Variants in NAV2 observed in about 807,000 individuals in gnomAD.
NAV2 encodes helicase, APC down-regulated 1.
Under a neutral mutation model 223.2 loss-of-function variants are expected in NAV2, and 54 were observed. That is an observed-to-expected ratio of 0.24 (90% CI 0.19 to 0.30). The LOEUF (loss-of-function observed/expected upper bound fraction) is 0.30, where lower values mean the gene tolerates loss of function less well. NAV2 is among the 10% of genes least tolerant of loss of function. The pLI is 1.00. For synonymous variants in NAV2, 1,279 were observed against 1,239.3 expected (o/e 1.03, Z -0.67); for missense variants, 2,806 against 3,147.5 (o/e 0.89, Z 2.60).
intron 1 of NAV2, among the ~76,000 whole-genome samples, chr11:19,417,330 A>G (rs1850414281): frequency 6.6e-6 from 1 of 152,274 alleles, no homozygotes; most frequent in African/African-American, 2.4e-5. Context: ...TGTGGCCAAA[A>G]AACACATGGA....
intron 1 of NAV2, among the ~76,000 whole-genome samples, chr11:19,492,291 A>C (rs908123078): frequency 2.0e-5 from 3 of 152,174 alleles, no homozygotes; most frequent in African/African-American, 7.2e-5. Flanking sequence ...TAAAAAAAAA[A>C]AAACTCAATA....
intron 1 of NAV2, among the ~76,000 whole-genome samples, chr11:19,427,660 A>G (rs1036175136): frequency 2.1e-4 from 32 of 152,344 alleles, no homozygotes; most frequent in African/African-American, 7.7e-4. Context: ...GCAATCTCCC[A>G]CAGCCATGCC....
At chr11:19,903,714 C>A (rs762357456) in intron 6 of NAV2, among the ~76,000 whole-genome samples, 13 of 152,048 alleles carry the variant, frequency 8.5e-5, no homozygotes, top group Non-Finnish European at 1.8e-4. Context: ...ACTGCTGCCC[C>A]CTACTGCCCA....
At position 20,040,378 on chromosome 11, in the gene NAV2, C is replaced by G. The variant is rs187673391; in HGVS notation, c.2908-3603C>G. On this transcript the variant is annotated intron_variant, in intron 12 of 37. Transcript: ENST00000349880. The stretch of plus-strand genomic sequence containing the variant: ...TGAATAGAACCACTGTTTATTGAGT[C>G]CCCCCACACTGAGTTCACTGAGTTC... Among the ~76,000 whole-genome samples, 519 of 152,210 alleles carry G rather than the reference C, an allele frequency of 3.4e-3. 3 individuals carry two copies. The highest frequency in any genetic ancestry group is 0.012 in the African/African-American group (502 of 41,536).
chr11:19,775,704 T>G (rs1177028815), intron 1 of NAV2, among the ~76,000 whole-genome samples: 1 of 152,138 alleles, frequency 6.6e-6, no homozygotes, highest in Non-Finnish European at 1.5e-5. Flanking sequence ...GTTTCAACAT[T>G]AGGAGTCAGA....
chr11:19,705,113 A>AAATG (rs1260501059), intron 1 of NAV2, among the ~76,000 whole-genome samples: 3 of 151,534 alleles, frequency 2.0e-5, no homozygotes, highest in African/African-American at 7.3e-5. Context: ...ATAAATAAAT[A>AAATG]AATAAATAAG....
At chr11:19,442,299 C>G (rs528779821) in intron 1 of NAV2, among the ~76,000 whole-genome samples, 1 of 152,356 alleles carries the variant, frequency 6.6e-6, no homozygotes, top group East Asian at 1.9e-4. Context: ...TTCCTATTTC[C>G]CCTGCTCATT....
intron 1 of NAV2, among the ~76,000 whole-genome samples, chr11:19,489,659 T>C (rs189288057): frequency 9.2e-5 from 14 of 152,372 alleles, no homozygotes; most frequent in African/African-American, 2.4e-5. Flanking sequence ...TGCCTGATTC[T>C]CAGCTCTCTC....
chr11:19,580,030 G>A (rs540486332), intron 1 of NAV2, among the ~76,000 whole-genome samples: 1 of 152,304 alleles, frequency 6.6e-6, no homozygotes, highest in Non-Finnish European at 1.5e-5. Context: ...TTGGCCTTAT[G>A]CAGACTTTAT....
At chr11:19,601,086 C>A (rs2046338738) in intron 1 of NAV2, among the ~76,000 whole-genome samples, 1 of 152,230 alleles carries the variant, frequency 6.6e-6, no homozygotes, top group Admixed American at 6.5e-5. Context: ...TATCTGTCAT[C>A]TCTGTACACC....
intron 7 of NAV2, among the ~76,000 whole-genome samples, chr11:19,938,601 G>T (rs12807015): frequency 0.33 from 50,441 of 152,164 alleles, 10,253 homozygotes; most frequent in Non-Finnish European, 0.46. Flanking sequence ...GGAATAAGTT[G>T]GGCTGGTTTC....
intron 1 of NAV2, among the ~76,000 whole-genome samples, chr11:19,614,573 T>C: frequency 6.6e-6 from 1 of 152,164 alleles, no homozygotes; most frequent in East Asian, 1.9e-4. Context: ...TCAATGAACC[T>C]ACATTGACAT....
chr11:20,044,397 T>G (rs1181797192), intron 13 of NAV2, 125 bp downstream of exon 13: 4 of 844,980 alleles, frequency 4.7e-6, no homozygotes, highest in Non-Finnish European at 5.3e-6. Flanking sequence ...AACAACGAGC[T>G]TCCATAAACT....
intron 19 of NAV2, chr11:20,056,658 A>G: frequency 7.0e-7 from 1 of 1,425,738 alleles, no homozygotes; most frequent in Non-Finnish European, 9.9e-7. Context: ...TCTGTGGAGG[A>G]TATCATCCCC....
rs561692743 is a variant in NAV2, at chr11:19,535,329, G to C, written c.75+184302G>C. 9.2e-5 allele frequency among the ~76,000 whole-genome samples: 14 copies of C among 152,266 alleles called. No homozygotes were observed. In the South Asian group the frequency reaches 1.0e-3, roughly 11 times the overall value. ...CTTTGCCCTCTGAGTAAGGCTGCAGGGGAGTAGAAGAGGAGTCCCCAGGCC... is the reference window on the plus strand; with the variant it reads ...CTTTGCCCTCTGAGTAAGGCTGCAGCGGAGTAGAAGAGGAGTCCCCAGGCC... On this transcript the variant is annotated intron_variant, in intron 1 of 37. Transcript: ENST00000360655.
intron 11 of NAV2, among the ~76,000 whole-genome samples, chr11:19,996,675 C>T (rs533542151): frequency 3.4e-4 from 52 of 152,300 alleles, no homozygotes; most frequent in Non-Finnish European, 6.2e-4. Flanking sequence ...GCTGTAAACC[C>T]CTGTGGCTGT....
At chr11:19,488,046 C>G (rs758231740) in intron 1 of NAV2, among the ~76,000 whole-genome samples, 1 of 152,130 alleles carries the variant, frequency 6.6e-6, no homozygotes, top group South Asian at 2.1e-4. Context: ...TTAGGAAGTA[C>G]GTTCCCCACC....
intron 30 of NAV2, among the ~76,000 whole-genome samples, chr11:20,097,297 C>T (rs572649790): frequency 9.9e-5 from 15 of 152,278 alleles, no homozygotes; most frequent in Non-Finnish European, 1.2e-4. Flanking sequence ...CTAGCTTTTC[C>T]GTGCTTGGTT....
At chr11:19,737,337 A>G (rs748583669) in intron 1 of NAV2, among the ~76,000 whole-genome samples, 16 of 152,226 alleles carry the variant, frequency 1.1e-4, no homozygotes, top group Non-Finnish European at 1.5e-4. Context: ...TTACAGTGCT[A>G]TGCATCGTGG....
Sources: gnomAD v4.1 joint callset for allele counts (sites outside exome capture counted in the v4.1 genomes callset) on GRCh38, gnomAD v4.1.1 for gene constraint, MANE v1.5 for transcripts, NCBI Gene and HGNC (gene_info 2026-07-23, HGNC 2026-07-21) for gene names.